TBCA: variants seen among roughly 807,000 people sequenced by gnomAD.
The protein encoded by TBCA is tubulin folding cofactor A.
A neutral mutation model predicts 15.8 loss-of-function variants in TBCA; 6 were observed. The ratio of observed to expected loss-of-function variants is 0.38; its 90% confidence interval spans 0.21 to 0.75. The LOEUF (loss-of-function observed/expected upper bound fraction) is 0.75, where lower values mean the gene tolerates loss of function less well. Ranked by LOEUF, TBCA falls within the 30% of genes least tolerant of loss-of-function variation. TBCA has a pLI of 0.46. For missense variants in TBCA, 90 were observed against 131.2 expected, an observed-to-expected ratio of 0.69 and a Z score of 1.53; for synonymous variants, 32 against 42.3, an observed-to-expected ratio of 0.76 and a Z score of 0.94.
intron 1 of TBCA, among the ~76,000 whole-genome samples, chr5:77,760,841 A>T (rs2112506562): frequency 6.6e-6 from 1 of 151,492 alleles, no homozygotes. Context: ...CCCGGCTGCC[A>T]CCCCGTCTAG....
At chr5:77,725,894 G>A (rs1746622542) in intron 1 of TBCA, among the ~76,000 whole-genome samples, 1 of 152,162 alleles carries the variant, frequency 6.6e-6, no homozygotes, top group African/African-American at 2.4e-5. Context: ...ATGAAAAAAT[G>A]TCCCTTGATC....
At chr5:77,738,973 C>T (rs1213072447) in intron 1 of TBCA, among the ~76,000 whole-genome samples, 4 of 152,154 alleles carry the variant, frequency 2.6e-5, no homozygotes, top group African/African-American at 9.7e-5. Flanking sequence ...ATGAAATCAA[C>T]CCAGTGGACT....
intron 1 of TBCA, among the ~76,000 whole-genome samples, chr5:77,735,151 G>A (rs562351225): frequency 6.6e-6 from 1 of 152,220 alleles, no homozygotes; most frequent in South Asian, 2.1e-4. Context: ...CAAGGTACCT[G>A]TATCTAGATT....
Position 77,693,567 on chromosome 5 carries a change from G to A in TBCA, c.160-215C>T, listed in dbSNP as rs149149271. 41 of 561,644 alleles carry A rather than the reference G, an allele frequency of 7.3e-5. No individual in the cohort carries two copies. The East Asian group carries it at 1.4e-3, about 19-fold the overall frequency. The allele number at this position is 561,644 out of a possible 1,614,324, so 34.8% of individuals were successfully genotyped here. On this transcript the variant is annotated intron_variant, in intron 2 of 3. Coordinates refer to ENST00000380377, the MANE Select transcript of TBCA (RefSeq NM_004607.3). ...TAATCCCAGCATTTTGGGAGACCGA[G>A]GCAGGCAGATCACCTGAGGTCAGGA...
chr5:77,692,058 A>G, intron 3 of TBCA: 1 of 985,194 alleles, frequency 1.0e-6, no homozygotes, highest in Non-Finnish European at 1.2e-6. Context: ...TTAAAGATTG[A>G]GTTTTTCCAT....
chr5:77,753,369 T>TCCTGAC (rs1239607440), intron 1 of TBCA, among the ~76,000 whole-genome samples: 1 of 152,250 alleles, frequency 6.6e-6, no homozygotes, highest in African/African-American at 2.4e-5. Flanking sequence ...TATCACTTTC[T>TCCTGAC]CCTGACACAT....
At chr5:77,733,046 C>A (rs1746809650) in intron 1 of TBCA, among the ~76,000 whole-genome samples, 1 of 152,224 alleles carries the variant, frequency 6.6e-6, no homozygotes. Context: ...CTTTGGGAGG[C>A]TGAGGCGGGT....
rs1745744828 is a variant in TBCA, at chr5:77,691,352, A to C, written c.*66T>G. On this transcript the variant is annotated 3_prime_UTR_variant, in exon 4 of 4. Coordinates refer to ENST00000380377, the MANE Select transcript of TBCA (RefSeq NM_004607.3). The stretch of plus-strand genomic sequence containing the variant: ...ACTACTTGAACACATAGCAGTGGTC[A>C]AAAATAATGGATTGTAAAATGGACC... 1.4e-6 allele frequency: 2 copies of C among 1,379,966 alleles called. No homozygotes were observed. The highest frequency in any genetic ancestry group is 1.0e-6 in the Non-Finnish European group (1 of 991,740). 85.5% of individuals were successfully genotyped at this position (1,379,966 alleles called of 1,614,324 possible). A position where few individuals can be genotyped will look rare whatever the true frequency, so the allele number is the denominator to read the frequency against.
chr5:77,729,967 T>C (rs541691599), intron 1 of TBCA, among the ~76,000 whole-genome samples: 2 of 152,350 alleles, frequency 1.3e-5, no homozygotes, highest in South Asian at 4.1e-4. Flanking sequence ...TTTCAGTTGC[T>C]TGGATGATAC....
rs1258788404 is a variant in TBCA at position 77,762,788 on chromosome 5, G to C, written c.53+13417C>G. On this transcript the variant is annotated intron_variant, in intron 1 of 3. Transcript: ENST00000380377. Reference sequence around the variant, plus strand: ...CACAGTCCTGGAAACAGGTAGGGCTGAAAGTCTCCCCTCTCCACCAGGGAA... The same window carrying C: ...CACAGTCCTGGAAACAGGTAGGGCTCAAAGTCTCCCCTCTCCACCAGGGAA... Among the ~76,000 whole-genome samples the C allele has an allele frequency of 2.6e-5, 4 of 152,144 alleles. No homozygotes were observed. The East Asian group carries it at 5.8e-4, about 22-fold the overall frequency.
intron 1 of TBCA, among the ~76,000 whole-genome samples, chr5:77,732,810 G>A (rs1169708650): frequency 6.6e-6 from 1 of 152,226 alleles, no homozygotes; most frequent in South Asian, 2.1e-4. Context: ...CTCAATCGAT[G>A]AATGTGTATA....
At chr5:77,754,082 T>C (rs1180988238) in intron 1 of TBCA, among the ~76,000 whole-genome samples, 1 of 152,182 alleles carries the variant, frequency 6.6e-6, no homozygotes, top group African/African-American at 2.4e-5. Context: ...TATAAATTCC[T>C]TTTTTATTAA....
intron 1 of TBCA, among the ~76,000 whole-genome samples, chr5:77,738,383 C>T (rs1746957620): frequency 1.3e-5 from 2 of 152,140 alleles, no homozygotes; most frequent in South Asian, 2.1e-4. Context: ...AAGTTACTTG[C>T]CCCCTGACCC....
At chr5:77,775,612 T>C (rs781178725) in intron 1 of TBCA, among the ~76,000 whole-genome samples, 1 of 152,208 alleles carries the variant, frequency 6.6e-6, no homozygotes. Flanking sequence ...TGGGGCGAGC[T>C]TCGGGGAATC....
At chr5:77,740,541 C>A (rs1747008393) in intron 1 of TBCA, among the ~76,000 whole-genome samples, 2 of 152,076 alleles carry the variant, frequency 1.3e-5, no homozygotes, top group African/African-American at 4.8e-5. Context: ...GTACCATTGT[C>A]AGAGATAAGA....
chr5:77,742,922 G>A, intron 1 of TBCA, among the ~76,000 whole-genome samples: 1 of 152,106 alleles, frequency 6.6e-6, no homozygotes, highest in Non-Finnish European at 1.5e-5. Context: ...GTAAGTAAAG[G>A]GATCTAAGAA....
intron 2 of TBCA, among the ~76,000 whole-genome samples, chr5:77,702,180 C>T (rs987198580): frequency 6.6e-6 from 1 of 151,964 alleles, no homozygotes; most frequent in African/African-American, 2.4e-5. Context: ...GCCCCCAAAA[C>T]CTACAGAAAT....
intron 1 of TBCA, among the ~76,000 whole-genome samples, chr5:77,761,963 T>G (rs1054600133): frequency 3.3e-5 from 5 of 152,232 alleles, no homozygotes; most frequent in Non-Finnish European, 7.3e-5. Context: ...TTTAGATTAG[T>G]CTAAATCACA....
At chr5:77,698,894 T>A (rs1198876835) in intron 2 of TBCA, among the ~76,000 whole-genome samples, 2 of 152,002 alleles carry the variant, frequency 1.3e-5, no homozygotes, top group Non-Finnish European at 2.9e-5. Flanking sequence ...AATATAATCC[T>A]AGAACTAATA....
Sources: allele counts gnomAD v4.1 joint callset (sites outside exome capture counted in the v4.1 genomes callset), GRCh38; gene constraint gnomAD v4.1.1; transcripts MANE v1.5; gene names NCBI Gene and HGNC (gene_info 2026-07-23, HGNC 2026-07-21).